PGAP4: variants seen among roughly 807,000 people sequenced by gnomAD.
PGAP4 encodes GPI-N-acetylgalactosamine transferase PGAP4.
A neutral mutation model predicts 28.2 loss-of-function variants in PGAP4; 12 were observed. That is an observed-to-expected ratio of 0.42 (90% CI 0.27 to 0.69). PGAP4 has a LOEUF of 0.69. PGAP4 is among the 30% of genes least tolerant of loss of function. The probability of loss-of-function intolerance (pLI) is 0.22; values close to 1 mark genes in which losing one functional copy is unlikely to be tolerated. For synonymous variants in PGAP4, 205 were observed against 211.8 expected, an observed-to-expected ratio of 0.97 and a Z score of 0.28; for missense variants, 425 against 513.5, an observed-to-expected ratio of 0.83 and a Z score of 1.67.
chr9:101,507,399 A>G (rs1177098793), intron 2 of PGAP4, among the ~76,000 whole-genome samples: 1 of 152,138 alleles, frequency 6.6e-6, no homozygotes, highest in African/African-American at 2.4e-5. Context: ...TAATAAAGTT[A>G]GGCTTATCCA....
intron 2 of PGAP4, among the ~76,000 whole-genome samples, chr9:101,501,456 C>T (rs1190181238): frequency 6.6e-6 from 1 of 152,018 alleles, no homozygotes; most frequent in Non-Finnish European, 1.5e-5. Context: ...AGTTTTCTAT[C>T]AAGTTGGATA....
chr9:101,480,975 G>A lies in PGAP4; in HGVS notation c.-77-3806C>T, dbSNP rs149172143. 1.2e-3 allele frequency among the ~76,000 whole-genome samples: 184 copies of A among 152,156 alleles called. 1 individual carries two copies. The highest frequency in any genetic ancestry group is 3.9e-3 in the African/African-American group (162 of 41,520). On this transcript the variant is annotated intron_variant, in intron 1 of 1. Coordinates refer to ENST00000374848, the MANE Select transcript of PGAP4 (RefSeq NM_032342.3). The stretch of plus-strand genomic sequence containing the variant: ...GTGGATGGCTTGAGCCCAGGAGATT[G>A]AGACCAGCCTGGGCAACATGGCAAA...
chr9:101,515,157 T>G (rs1273835956), intron 2 of PGAP4, among the ~76,000 whole-genome samples: 2 of 152,170 alleles, frequency 1.3e-5, no homozygotes, highest in Non-Finnish European at 2.9e-5. Flanking sequence ...AAAATTAAGT[T>G]GTTGGCAGAG....
intron 2 of PGAP4, among the ~76,000 whole-genome samples, chr9:101,510,565 G>A (rs1445943989): frequency 6.6e-6 from 1 of 152,116 alleles, no homozygotes; most frequent in African/African-American, 2.4e-5. Context: ...ATTTAAGTAG[G>A]ACACTTGGTA....
Position 101,476,026 on chromosome 9 carries a change from C to A in PGAP4, c.1067G>T (p.Cys356Phe). The stretch of plus-strand genomic sequence containing the variant: ...CATGTCCTTGCCAAAGCCCTTGTGG[C>A]AGTACACTTGGGACAGGTAGGTGAG... ...RTLTYLSQVY[C>F]HKGFGKDMAL... Residue 356 changes from cysteine to phenylalanine, a missense_variant, in exon 2 of 2, where the codon TGC (cysteine) becomes TTC (phenylalanine). Transcript: ENST00000374848. This position sits in a 1 kb window ranked among gnomAD's most constrained non-coding sequence, Gnocchi z 7.0. 6.2e-7 allele frequency: 1 copy of A among 1,614,150 alleles called. No homozygotes were observed.
rs536827228 is a variant in PGAP4, at chr9:101,522,027, G to A, written c.-165+9321C>T. On this transcript the variant is annotated intron_variant, in intron 2 of 3. Coordinates refer to the PGAP4 transcript ENST00000374851. ...TCCATGTATTTGCATTGTTTCAAAG[G>A]TTCCTTTTGGAGTCGATGTTCAGTT... Among the ~76,000 whole-genome samples, 102 of 152,190 alleles carry A rather than the reference G, an allele frequency of 6.7e-4. 1 individual carries two copies. Among genetic ancestry groups the A allele is most frequent in the African/African-American group, 2.1e-3 (89 of 41,540 alleles).
chr9:101,493,196 G>A (rs1282004508), intron 2 of PGAP4, among the ~76,000 whole-genome samples: 8 of 151,102 alleles, frequency 5.3e-5, no homozygotes, highest in African/African-American at 2.0e-4. Context: ...GGAGGTTGCA[G>A]TGAGCCAAGA....
Position 101,474,986 on chromosome 9 carries a change from G to GCTTTTT in PGAP4, c.*894_*895insAAAAAG, listed in dbSNP as rs148013361. On this transcript the variant is annotated 3_prime_UTR_variant, in exon 2 of 2. Transcript: ENST00000374848. ...GTCAGGTCTTCTGACTTCAGTCCAT[G>GCTTTTT]ATTTTTTTTTTTTTTTTTCTATAAC... The GCTTTTT allele has an allele frequency of 1.8e-4, 26 of 141,530 alleles. 5 individuals are homozygous for GCTTTTT. Among genetic ancestry groups the GCTTTTT allele is most frequent in the South Asian group, 2.2e-4 (1 of 4,468 alleles). 8.8% of individuals were successfully genotyped at this position (141,530 alleles called of 1,614,324 possible).
At chr9:101,502,686 T>G (rs1826814249) in intron 2 of PGAP4, among the ~76,000 whole-genome samples, 1 of 152,074 alleles carries the variant, frequency 6.6e-6, no homozygotes. Flanking sequence ...ATAACTAGCT[T>G]GGGATGTCCC....
Position 101,474,336 on chromosome 9 carries a change from C to T in PGAP4, c.*1545G>A, listed in dbSNP as rs962086220. 2 of 152,202 alleles carry T rather than the reference C, an allele frequency of 1.3e-5. No homozygotes were observed. The highest frequency in any genetic ancestry group is 2.9e-5 in the Non-Finnish European group (2 of 68,042). The allele number at this position is 152,202 out of a possible 1,614,324, so 9.4% of individuals were successfully genotyped here. ...GGAATTTAAAAGCAAACTGTGGCAT[C>T]GAAACAAACTGGACAATTGCTTGAA... On this transcript the variant is annotated 3_prime_UTR_variant, in exon 2 of 2. Coordinates refer to ENST00000374848, the MANE Select transcript of PGAP4 (RefSeq NM_032342.3).
intron 2 of PGAP4, among the ~76,000 whole-genome samples, chr9:101,492,874 T>C (rs988701376): frequency 3.9e-5 from 6 of 152,136 alleles, no homozygotes; most frequent in Admixed American, 6.5e-5. Flanking sequence ...AAACTGCTCT[T>C]CCAGTTTTAA....
chr9:101,505,363 A>G (rs1293198403), intron 2 of PGAP4, among the ~76,000 whole-genome samples: 1 of 152,112 alleles, frequency 6.6e-6, no homozygotes, highest in Non-Finnish European at 1.5e-5. Context: ...TAATTGACAG[A>G]TAGAAGCTTC....
intron 2 of PGAP4, among the ~76,000 whole-genome samples, chr9:101,510,920 C>T (rs1826892609): frequency 6.6e-6 from 1 of 152,172 alleles, no homozygotes; most frequent in Admixed American, 6.5e-5. Flanking sequence ...GCTTAATTGT[C>T]ACTTGCCACT....
intron 2 of PGAP4, among the ~76,000 whole-genome samples, chr9:101,495,575 A>T (rs1826739596): frequency 1.4e-5 from 2 of 147,184 alleles, no homozygotes; most frequent in Non-Finnish European, 3.0e-5. Context: ...CCTACCAAAG[A>T]TGTCAAAGGT....
chr9:101,515,533 T>A (rs1588209274), intron 2 of PGAP4, among the ~76,000 whole-genome samples: 1 of 152,192 alleles, frequency 6.6e-6, no homozygotes, highest in East Asian at 1.9e-4. Context: ...GTATAGGCAC[T>A]CCTCAGTTTA....
chr9:101,499,894 A>G (rs1826782460), intron 2 of PGAP4, among the ~76,000 whole-genome samples: 1 of 152,012 alleles, frequency 6.6e-6, no homozygotes, highest in Non-Finnish European at 1.5e-5. Context: ...CTCCATGTCT[A>G]TTTTGTAAGC....
At chr9:101,514,195 A>C (rs1231416178) in intron 2 of PGAP4, among the ~76,000 whole-genome samples, 1 of 152,110 alleles carries the variant, frequency 6.6e-6, no homozygotes, top group Non-Finnish European at 1.5e-5. Context: ...AAGGTGACAC[A>C]TAAAATTAGC....
At chr9:101,498,917 T>A (rs1826774598) in intron 2 of PGAP4, among the ~76,000 whole-genome samples, 1 of 151,904 alleles carries the variant, frequency 6.6e-6, no homozygotes, top group African/African-American at 2.4e-5. Context: ...TCAGAAATAA[T>A]AAGGGAAAGT....
chr9:101,501,455 T>C (rs1826797807), intron 2 of PGAP4, among the ~76,000 whole-genome samples: 1 of 152,084 alleles, frequency 6.6e-6, no homozygotes, highest in South Asian at 2.1e-4. Context: ...CAGTTTTCTA[T>C]CAAGTTGGAT....
Sources: gnomAD v4.1 joint callset for allele counts (sites outside exome capture counted in the v4.1 genomes callset) on GRCh38, gnomAD v4.1.1 for gene constraint, Gnocchi (gnomAD v3.1) non-coding constraint, MANE v1.5 for transcripts, NCBI Gene and HGNC (gene_info 2026-07-23, HGNC 2026-07-21) for gene names.